NID1: variants seen among roughly 807,000 people sequenced by gnomAD.
The protein encoded by NID1 is nidogen 1, also known as nidogen-1.
NID1 carries 76 observed loss-of-function variants against 130.6 expected under a neutral mutation model. That is an observed-to-expected ratio of 0.58 (90% CI 0.48 to 0.70). NID1 has a LOEUF of 0.70. Ranked by LOEUF, NID1 falls within the 30% of genes least tolerant of loss-of-function variation. NID1 has a pLI of 0.00. For synonymous variants in NID1, 665 were observed against 675.1 expected (o/e 0.98, Z 0.23); for missense variants, 1,517 against 1,664.8 (o/e 0.91, Z 1.54).
rs749701241 is a variant in NID1 at position 236,011,926 on chromosome 1, G to A, written c.2522C>T (p.Pro841Leu). Residue 841 changes from proline to leucine, a missense_variant, in exon 12 of 20, where the codon CCC becomes CTC. By Grantham distance (98) the Pro-to-Leu change is moderately conservative. Coordinates refer to ENST00000264187, the MANE Select transcript of NID1 (RefSeq NM_002508.3). ...CAGATGTCCCACCACCTTACCTCCG[G>A]GCACGCAACGGAAGCCGTCTCCCTG... ...GYQGDGFRCV[P>L]GEVEKTRCQH... 1 of 1,613,886 alleles carries A rather than the reference G, an allele frequency of 6.2e-7. No homozygotes were observed. Among genetic ancestry groups the A allele is most frequent in the African/African-American group, 1.3e-5 (1 of 75,062 alleles).
Position 235,979,101 on chromosome 1 carries a change from G to A in NID1, c.3516C>T (p.Ser1172=), listed in dbSNP as rs201173613. Residue 1172 remains serine, a synonymous_variant, in exon 19 of 20, where the codon TCC becomes TCT. Transcript: ENST00000264187. This position sits in a 1 kb window ranked among gnomAD's most constrained non-coding sequence, Gnocchi z 4.6. The part of the protein sequence containing the change: ...NLYFTDWKMN[S]VVALDLAISK... Reference sequence around the variant, plus strand: ...AAATTGCAAGATCGAGAGCAACCACGGAATTCCTACAAAGCACCAAAGGGC... The same window carrying A: ...AAATTGCAAGATCGAGAGCAACCACAGAATTCCTACAAAGCACCAAAGGGC... The A allele has an allele frequency of 2.9e-5, 46 of 1,610,722 alleles. No individual in the cohort carries two copies. Among genetic ancestry groups the A allele is most frequent in the Middle Eastern group, 1.6e-4 (1 of 6,074 alleles).
intron 1 of NID1, among the ~76,000 whole-genome samples, chr1:236,051,436 T>G (rs772397586): frequency 3.3e-5 from 5 of 152,220 alleles, no homozygotes; most frequent in Non-Finnish European, 7.3e-5. Flanking sequence ...CAGAACCGAT[T>G]GGCACCCAGG....
At chr1:235,998,634 C>T (rs553201881) in intron 12 of NID1, among the ~76,000 whole-genome samples, 1 of 151,770 alleles carries the variant, frequency 6.6e-6, no homozygotes, top group African/African-American at 2.4e-5. Flanking sequence ...AAGATTGTGA[C>T]ATTGCACTCC....
chr1:235,979,739 G>A lies in NID1; in HGVS notation c.3509+83C>T. ...GGAGGCTCAAAAGTCAAGCCAAGAG[G>A]CCAGATGGGAAGGGCCTGGCCTCCC... On this transcript the variant is annotated intron_variant, in intron 18 of 19. Transcript: ENST00000264187. The surrounding 1 kb of genome is among the most constrained non-coding windows in gnomAD (Gnocchi z 4.6). The A allele has an allele frequency of 6.5e-7, 1 of 1,532,314 alleles. No individual in the cohort carries two copies. The allele number at this position is 1,532,314 out of a possible 1,614,324, so 94.9% of individuals were successfully genotyped here.
At chr1:235,978,287 A>C (rs185779270) in intron 19 of NID1, among the ~76,000 whole-genome samples, 56 of 152,358 alleles carry the variant, frequency 3.7e-4, no homozygotes, top group African/African-American at 1.3e-3. Flanking sequence ...ATTATAACAT[A>C]GAATTGGAAT....
Position 236,029,609 on chromosome 1 carries a change from G to A in NID1, c.1679C>T (p.Pro560Leu), listed in dbSNP as rs774575082. ...CTCAATGTGCACGGAGGAGCCGAAC[G>A]GAATCTGCGGCACGCGGCCCTCCAG... ...TELEGRVPQI[P>L]FGSSVHIEPY... Residue 560 changes from proline to leucine, a missense_variant, in exon 7 of 20, where the codon CCG (proline) becomes CTG (leucine). Coordinates refer to ENST00000264187, the MANE Select transcript of NID1 (RefSeq NM_002508.3). 6.2e-5 allele frequency: 99 copies of A among 1,601,392 alleles called. No individual in the cohort carries two copies. Among genetic ancestry groups the A allele is most frequent in the Middle Eastern group, 1.7e-4 (1 of 5,982 alleles).
At chr1:236,057,167 G>A (rs1464825646) in intron 1 of NID1, among the ~76,000 whole-genome samples, 1 of 151,894 alleles carries the variant, frequency 6.6e-6, no homozygotes, top group East Asian at 1.9e-4. Context: ...GCTGAGGCAG[G>A]AGAATCGCTT....
intron 14 of NID1, among the ~76,000 whole-genome samples, chr1:235,986,237 G>C (rs552169543): frequency 1.8e-4 from 28 of 152,112 alleles, no homozygotes; most frequent in South Asian, 6.2e-4. Context: ...GAAATAAAAG[G>C]CATACATATT....
intron 14 of NID1, 72 bp downstream of exon 14, chr1:235,990,813 TG>T: frequency 6.4e-7 from 1 of 1,554,352 alleles, no homozygotes; most frequent in East Asian, 2.2e-5. Flanking sequence ...GGTTCTGGTC[TG>T]ATATCGTCCT....
intron 9 of NID1, among the ~76,000 whole-genome samples, chr1:236,022,536 C>T (rs58751753): frequency 6.6e-6 from 1 of 151,174 alleles, no homozygotes; most frequent in Non-Finnish European, 1.5e-5. Flanking sequence ...GACGGGGTTT[C>T]ACCATGTTGG....
intron 2 of NID1, among the ~76,000 whole-genome samples, chr1:236,046,305 C>T (rs1030204312): frequency 6.6e-6 from 1 of 152,096 alleles, no homozygotes; most frequent in African/African-American, 2.4e-5. Flanking sequence ...ACATGCCGGG[C>T]GCGGTGGCTC....
chr1:236,061,114 G>A (rs1660024746), intron 1 of NID1, among the ~76,000 whole-genome samples: 1 of 152,164 alleles, frequency 6.6e-6, no homozygotes, highest in African/African-American at 2.4e-5. Context: ...GCTAATAAAT[G>A]CAGAAAGAAT....
intron 12 of NID1, among the ~76,000 whole-genome samples, chr1:236,002,716 A>G (rs1277053871): frequency 2.0e-5 from 3 of 152,080 alleles, no homozygotes; most frequent in African/African-American, 7.2e-5. Flanking sequence ...GTTAGAGAGG[A>G]CTTCAAGAAA....
intron 12 of NID1, among the ~76,000 whole-genome samples, chr1:236,002,793 A>C (rs113019694): frequency 0.041 from 6,178 of 152,234 alleles, 187 homozygotes; most frequent in African/African-American, 0.081. Context: ...GCCATGTGAG[A>C]GTCACAAGGG....
In NID1 at chr1:235,985,404, T is replaced by C. The variant is rs777837983; in HGVS notation, c.3030A>G (p.Gly1010=). ...PSIGRASLHG[G]EPTTIIRQDL... is the part of the protein sequence containing the mutation. ...CTTGTCTAATGATGGTGGTTGGCTC[T>C]CCACCATGTAGACTAGCTCTCCCAA... The change falls in exon 15 of 20, where the codon GGA becomes GGG. Residue 1010 remains glycine (G), a synonymous_variant. Coordinates refer to ENST00000264187, the MANE Select transcript of NID1 (RefSeq NM_002508.3). The C allele has an allele frequency of 1.4e-5, 22 of 1,613,938 alleles. No homozygotes were observed. The highest frequency in any genetic ancestry group is 1.2e-4 in the Admixed American group (7 of 60,002).
chr1:236,038,009 G>A (rs1659311329), intron 5 of NID1, 95 bp downstream of exon 5: 5 of 1,402,072 alleles, frequency 3.6e-6, no homozygotes, highest in Admixed American at 2.1e-5. Flanking sequence ...ACACACCTAC[G>A]GAGATGTGGG....
At chr1:236,001,016 C>T (rs933003326) in intron 12 of NID1, among the ~76,000 whole-genome samples, 1 of 152,088 alleles carries the variant, frequency 6.6e-6, no homozygotes, top group Non-Finnish European at 1.5e-5. Flanking sequence ...AGGGCCTACA[C>T]GGGTTCTGAG....
chr1:236,043,291 A>T (rs1002031180), intron 3 of NID1, among the ~76,000 whole-genome samples: 8 of 152,134 alleles, frequency 5.3e-5, no homozygotes, highest in African/African-American at 1.9e-4. Flanking sequence ...ACAGGTGGAA[A>T]CACAGGACTT....
chr1:235,991,127 ACC>A (rs796719314), intron 13 of NID1, 69 bp from the exon 14 acceptor site: 45 of 1,294,178 alleles, frequency 3.5e-5, no homozygotes, highest in African/African-American at 1.8e-4. Context: ...ACACACACAC[ACC>A]CCCACACACA....
Sources: allele counts gnomAD v4.1 joint callset (sites outside exome capture counted in the v4.1 genomes callset), GRCh38; gene constraint gnomAD v4.1.1; non-coding constraint Gnocchi (gnomAD v3.1); transcripts MANE v1.5; gene names NCBI Gene and HGNC (gene_info 2026-07-23, HGNC 2026-07-21).